Variants in MIAT observed in about 807,000 individuals in gnomAD.
The protein encoded by MIAT is myocardial infarction associated transcript, also known as MI related novel mRNA.
At chr22:26,667,286 G>A (rs1157073184) in exon 5 of MIAT, 5 of 398,338 alleles carry the variant, frequency 1.3e-5, no homozygotes, top group Non-Finnish European at 2.2e-5. Flanking sequence ...GTCAGAACAC[G>A]CTTTATTACA....
rs140808746 is a variant in MIAT at position 26,649,742 on chromosome 22, G to A, written n.646+2431G>A. 5.3e-3 allele frequency among the ~76,000 whole-genome samples: 803 copies of A among 152,258 alleles called. 10 individuals carry two copies. Among genetic ancestry groups the A allele is most frequent in the Middle Eastern group, 0.027 (8 of 294 alleles). Reference sequence around the variant, plus strand: ...ATCCTGGCCAACATGGTGAAACCCCGTCTCTACTAAAAATACAAAAATTAG... The same window carrying A: ...ATCCTGGCCAACATGGTGAAACCCCATCTCTACTAAAAATACAAAAATTAG... On this transcript the variant is annotated intron_variant and non_coding_transcript_variant, in intron 2 of 5. Transcript: ENST00000643270.
At chr22:26,669,305 T>A (rs1308800480) in exon 6 of MIAT, 2 of 398,650 alleles carry the variant, frequency 5.0e-6, no homozygotes, top group Non-Finnish European at 8.8e-6. Flanking sequence ...GGCTTAAACA[T>A]CAGGAATTTA....
chr22:26,656,841 G>GA (rs1930472354), intron 2 of MIAT, among the ~76,000 whole-genome samples: 1 of 152,116 alleles, frequency 6.6e-6, no homozygotes, highest in Admixed American at 6.5e-5. Context: ...CAGGAGTTCG[G>GA]GGGGGTGCGG....
At chr22:26,654,636 G>A (rs1379011596) in intron 2 of MIAT, among the ~76,000 whole-genome samples, 1 of 152,158 alleles carries the variant, frequency 6.6e-6, no homozygotes, top group Non-Finnish European at 1.5e-5. Context: ...AGGCTGCAGT[G>A]AGCTATGATC....
intron 3 of MIAT, chr22:26,663,469 A>G (rs1930740686): frequency 2.5e-6 from 1 of 398,242 alleles, no homozygotes; most frequent in East Asian, 3.6e-5. Flanking sequence ...GATCAGATCC[A>G]TCACGAAATC....
At chr22:26,676,416 A>G (rs978609440) in exon 5 of MIAT, 5 of 398,668 alleles carry the variant, frequency 1.3e-5, no homozygotes, top group Non-Finnish European at 2.2e-5. Context: ...GTTTTCATCC[A>G]TGAATGTAGC....
exon 5 of MIAT, chr22:26,675,021 C>A (rs367688910): frequency 7.5e-6 from 3 of 398,652 alleles, no homozygotes; most frequent in East Asian, 7.1e-5. Context: ...TTGATGTGCA[C>A]CTACTCTGTG....
At chr22:26,661,340 TC>T (rs1404163996) in intron 2 of MIAT, among the ~76,000 whole-genome samples, 1 of 152,116 alleles carries the variant, frequency 6.6e-6, no homozygotes, top group African/African-American at 2.4e-5. Context: ...CCCTATCCCA[TC>T]CCACTCTGAT....
At chr22:26,664,005 CTT>C (rs202155948) in intron 3 of MIAT, among the ~76,000 whole-genome samples, 8 of 116,302 alleles carry the variant, frequency 6.9e-5, no homozygotes, top group African/African-American at 2.3e-4. Context: ...CTGTGTTCAG[CTT>C]TTTTTTTTTT....
intron 5 of MIAT, chr22:26,667,432 G>A (rs1285908653): frequency 4.8e-5 from 19 of 393,826 alleles, no homozygotes; most frequent in Non-Finnish European, 6.7e-5. Flanking sequence ...GTGTATGCGC[G>A]CGTGTGTGTG....
At chr22:26,671,077 G>A, downstream of MIAT, 2 of 398,578 alleles carry the variant, frequency 5.0e-6, no homozygotes, top group Non-Finnish European at 8.8e-6. Flanking sequence ...TTTGCGGAGA[G>A]ATGCGGGTGT....
At chr22:26,651,658 T>A (rs1930338748) in intron 2 of MIAT, among the ~76,000 whole-genome samples, 1 of 152,254 alleles carries the variant, frequency 6.6e-6, no homozygotes, top group Non-Finnish European at 1.5e-5. Context: ...CATCAGTGGA[T>A]GAATGGATGA....
intron 2 of MIAT, among the ~76,000 whole-genome samples, chr22:26,649,266 G>T (rs1033340535): frequency 6.6e-6 from 1 of 152,178 alleles, no homozygotes; most frequent in African/African-American, 2.4e-5. Context: ...AAGGGGCAAG[G>T]GTGGGATTCA....
chr22:26,672,826 G>A (rs747040769), downstream of MIAT: 51 of 398,604 alleles, frequency 1.3e-4, no homozygotes, highest in Middle Eastern at 6.3e-4. Context: ...GGAGTATTTA[G>A]TACACAGGAA....
intron 2 of MIAT, among the ~76,000 whole-genome samples, chr22:26,659,492 T>C: frequency 6.6e-6 from 1 of 152,054 alleles, no homozygotes; most frequent in Non-Finnish European, 1.5e-5. Flanking sequence ...AAAACAACCA[T>C]AACCCCTTAC....
chr22:26,665,186 A>G (rs537979463), intron 3 of MIAT, among the ~76,000 whole-genome samples: 7 of 152,122 alleles, frequency 4.6e-5, no homozygotes, highest in African/African-American at 1.7e-4. Flanking sequence ...GGTTGCAGTG[A>G]GCCGAGATCA....
chr22:26,672,099 C>A, downstream of MIAT: 1 of 399,718 alleles, frequency 2.5e-6, no homozygotes, highest in East Asian at 3.6e-5. Context: ...AACTAACGGA[C>A]CTGCGTGCGT....
At chr22:26,656,764 G>A (rs1296836890) in intron 2 of MIAT, among the ~76,000 whole-genome samples, 1 of 152,156 alleles carries the variant, frequency 6.6e-6, no homozygotes, top group African/African-American at 2.4e-5. Flanking sequence ...ATCCGGGCGC[G>A]GTGGCTCGCG....
At chr22:26,671,502 C>T (rs1280154698), downstream of MIAT, 1 of 398,710 alleles carries the variant, frequency 2.5e-6, no homozygotes, top group East Asian at 3.6e-5. Flanking sequence ...ACTAACCAGG[C>T]CCGAGCATGC....
Sources: allele counts gnomAD v4.1 joint callset (sites outside exome capture counted in the v4.1 genomes callset), GRCh38; gene constraint gnomAD v4.1.1; transcripts MANE v1.5; gene names NCBI Gene and HGNC (gene_info 2026-07-23, HGNC 2026-07-21).